Variants in TNC observed in about 807,000 individuals in gnomAD.
TNC encodes tenascin.
In TNC, 109 loss-of-function variants were observed where a neutral mutation model predicts 202.4. That is an observed-to-expected ratio of 0.54 (90% confidence interval 0.46 to 0.63). The LOEUF is 0.63. TNC is among the 30% of genes least tolerant of loss of function. The pLI, the probability that TNC is intolerant of heterozygous loss-of-function variation, is 0.00. For synonymous variants in TNC, 1,007 were observed against 1,089.7 expected, an observed-to-expected ratio of 0.92 and a Z score of 1.50; for missense variants, 2,756 against 2,833.3, an observed-to-expected ratio of 0.97 and a Z score of 0.62.
At chr9:115,070,518 T>C (rs1833385160) in intron 10 of TNC, among the ~76,000 whole-genome samples, 1 of 152,238 alleles carries the variant, frequency 6.6e-6, no homozygotes, top group Non-Finnish European at 1.5e-5. Flanking sequence ...GCTGGGTCTT[T>C]GGGCGAGAGG....
chr9:115,092,925 TCC>T (rs1835343687), intron 1 of TNC, among the ~76,000 whole-genome samples: 1 of 152,156 alleles, frequency 6.6e-6, no homozygotes. Flanking sequence ...AATTGACATT[TCC>T]CTATGCCCAT....
chr9:115,053,576 C>T (rs1258764216), intron 15 of TNC, among the ~76,000 whole-genome samples: 2 of 152,184 alleles, frequency 1.3e-5, no homozygotes, highest in African/African-American at 4.8e-5. Context: ...AATGTATACC[C>T]TATCTGAGGA....
chr9:115,023,840 G>A, intron 27 of TNC, 133 bp downstream of exon 27: 3 of 1,091,264 alleles, frequency 2.7e-6, no homozygotes, highest in Non-Finnish European at 4.0e-6. Context: ...ACTGCCTTGG[G>A]AAAAACATGT....
chr9:115,041,809 G>A (rs948757643), intron 18 of TNC, among the ~76,000 whole-genome samples: 2 of 152,148 alleles, frequency 1.3e-5, no homozygotes, highest in Non-Finnish European at 2.9e-5. Context: ...ATTTTCTAAG[G>A]CACAGCTTGC....
intron 1 of TNC, among the ~76,000 whole-genome samples, chr9:115,091,904 C>T (rs1158748112): frequency 5.3e-5 from 8 of 152,186 alleles, no homozygotes; most frequent in African/African-American, 1.9e-4. Flanking sequence ...TATTCTTGAA[C>T]CAGTTGTCTA....
At chr9:115,027,943 CA>C (rs1234589794) in intron 25 of TNC, among the ~76,000 whole-genome samples, 3 of 152,078 alleles carry the variant, frequency 2.0e-5, no homozygotes, top group Non-Finnish European at 4.4e-5. Context: ...GACTCGGAGA[CA>C]AAAACCCCTT....
chr9:115,097,157 T>C (rs1835858781), intron 1 of TNC, among the ~76,000 whole-genome samples: 1 of 152,084 alleles, frequency 6.6e-6, no homozygotes. Flanking sequence ...AAAATAAACC[T>C]GTGTTCGAAT....
chr9:115,055,181 T>G (rs994205295), intron 15 of TNC, among the ~76,000 whole-genome samples: 1 of 152,010 alleles, frequency 6.6e-6, no homozygotes, highest in African/African-American at 2.4e-5. Flanking sequence ...TTATTCAAGA[T>G]CAGATGAAAA....
At chr9:115,042,640 G>A (rs1366914155) in intron 17 of TNC, among the ~76,000 whole-genome samples, 3 of 152,316 alleles carry the variant, frequency 2.0e-5, no homozygotes, top group East Asian at 1.9e-4. Context: ...AGATTGGAAT[G>A]TGACCCCCGT....
chr9:115,101,969 T>C (rs952230175), intron 1 of TNC, among the ~76,000 whole-genome samples: 8 of 152,196 alleles, frequency 5.3e-5, no homozygotes, highest in African/African-American at 1.9e-4. Flanking sequence ...AATACAGATA[T>C]CATTAACTAT....
chr9:115,086,331 T>C lies in TNC; in HGVS notation c.1400A>G (p.Asp467Gly). ...GTGACAGTCATTAGGGCAGCTCATG[T>C]CACTGCAGTCATAGCCCTTGAAGCC... ...EQGFKGYDCS[D>G]MSCPNDCHQH... Residue 467 changes from aspartate (D) to glycine (G), a missense_variant, in exon 3 of 28, where the codon GAC becomes GGC. Around this residue, in one of 2 missense-constraint regions of TNC, gnomAD observed 2,559 missense variants for 2,546.0 expected, o/e 1.01. Coordinates refer to ENST00000350763, the MANE Select transcript of TNC (RefSeq NM_002160.4). 6.2e-7 allele frequency: 1 copy of C among 1,614,212 alleles called. No individual in the cohort carries two copies. The highest frequency in any genetic ancestry group is 8.5e-7 in the Non-Finnish European group (1 of 1,180,036).
chr9:115,037,119 T>C (rs189264458), intron 20 of TNC, among the ~76,000 whole-genome samples: 1 of 152,122 alleles, frequency 6.6e-6, no homozygotes, highest in Non-Finnish European at 1.5e-5. Flanking sequence ...AAACCCAACA[T>C]CCCTCCTCCC....
At chr9:115,099,266 G>A (rs1471613757) in intron 1 of TNC, among the ~76,000 whole-genome samples, 1 of 152,104 alleles carries the variant, frequency 6.6e-6, no homozygotes. Flanking sequence ...GTGGTGGTGG[G>A]GTGTTTCAGA....
At chr9:115,090,177 G>A (rs1048047686) in intron 2 of TNC, among the ~76,000 whole-genome samples, 1 of 152,038 alleles carries the variant, frequency 6.6e-6, no homozygotes, top group Non-Finnish European at 1.5e-5. Flanking sequence ...GAGGTGATGG[G>A]GCCACAGCAG....
At chr9:115,087,788 G>A (rs866988200) in intron 2 of TNC, among the ~76,000 whole-genome samples, 8 of 144,318 alleles carry the variant, frequency 5.5e-5, no homozygotes, top group South Asian at 2.2e-4. Context: ...TGCAAGCTCC[G>A]CCTCCTGGGT....
At chr9:115,052,740 C>T (rs1367848295) in intron 15 of TNC, 1 of 701,484 alleles carries the variant, frequency 1.4e-6, no homozygotes, top group Non-Finnish European at 2.6e-6. Context: ...GATTGAGTAC[C>T]TGTAATGACA....
rs980011465 is a variant in TNC, at chr9:115,060,991, A to G, written c.4034-989T>C. Among the ~76,000 whole-genome samples, 16 of 152,206 alleles carry G rather than the reference A, an allele frequency of 1.1e-4. 1 individual carries two copies. Among genetic ancestry groups the G allele is most frequent in the Admixed American group, 1.0e-3 (16 of 15,284 alleles). ...ACTGCTTCTACAATGTAGAAAGGAA[A>G]TTTAACGTAGTTGTTATTGGTGATT... On this transcript the variant is annotated intron_variant, in intron 13 of 27. Coordinates refer to ENST00000350763, the MANE Select transcript of TNC (RefSeq NM_002160.4).
chr9:115,049,295 G>A (rs1347186950), intron 15 of TNC, among the ~76,000 whole-genome samples: 1 of 152,082 alleles, frequency 6.6e-6, no homozygotes, highest in Admixed American at 6.6e-5. Flanking sequence ...CACACATTGG[G>A]ATATCCAAAA....
intron 15 of TNC, among the ~76,000 whole-genome samples, chr9:115,049,192 T>A (rs1831451421): frequency 6.6e-6 from 1 of 152,116 alleles, no homozygotes; most frequent in Non-Finnish European, 1.5e-5. Flanking sequence ...CACATCTGGG[T>A]CTTAGTAAAT....
Sources: allele counts gnomAD v4.1 joint callset (sites outside exome capture counted in the v4.1 genomes callset), GRCh38; gene constraint gnomAD v4.1.1; regional missense constraint gnomAD v4.1.1; transcripts MANE v1.5; gene names NCBI Gene and HGNC (gene_info 2026-07-23, HGNC 2026-07-21).